PTPRG: variants seen among roughly 807,000 people sequenced by gnomAD.
PTPRG encodes receptor-type tyrosine-protein phosphatase gamma.
Under a neutral mutation model 165.3 loss-of-function variants are expected in PTPRG, and 102 were observed. The observed-to-expected ratio is 0.62, with a 90% CI of 0.53 to 0.73. The LOEUF (loss-of-function observed/expected upper bound fraction) is 0.73, where lower values mean the gene tolerates loss of function less well. PTPRG is among the 30% of genes least tolerant of loss of function. The probability of loss-of-function intolerance (pLI) is 0.00; values close to 1 mark genes in which losing one functional copy is unlikely to be tolerated. For synonymous variants in PTPRG, 675 were observed against 669.5 expected (o/e 1.01, Z -0.13); for missense variants, 1,866 against 1,861.4 (o/e 1.00, Z -0.05).
chr3:61,700,079 T>C (rs936861137), intron 1 of PTPRG, among the ~76,000 whole-genome samples: 3 of 152,096 alleles, frequency 2.0e-5, no homozygotes, highest in African/African-American at 7.2e-5. Context: ...TTGATCCTTA[T>C]ATAGTAAATG....
chr3:61,903,838 T>C (rs74570436), intron 2 of PTPRG, among the ~76,000 whole-genome samples: 3 of 152,346 alleles, frequency 2.0e-5, no homozygotes, highest in East Asian at 3.9e-4. Flanking sequence ...CATATGGTGG[T>C]CTGTACTTAA....
chr3:61,573,468 T>TAC (rs141187781), intron 1 of PTPRG, among the ~76,000 whole-genome samples: 2,003 of 152,374 alleles, frequency 0.013, 45 homozygotes, highest in African/African-American at 0.046. Flanking sequence ...CTGAACTTTG[T>TAC]ACAATAGAGT....
chr3:62,207,924 ACTCAG>A (rs1296340595), intron 12 of PTPRG, among the ~76,000 whole-genome samples: 15 of 152,182 alleles, frequency 9.9e-5, no homozygotes, highest in African/African-American at 3.4e-4. Context: ...GGGCCATCTC[ACTCAG>A]CTCCAACAGA....
chr3:61,795,812 C>G (rs562445328), intron 2 of PTPRG, among the ~76,000 whole-genome samples: 1 of 152,132 alleles, frequency 6.6e-6, no homozygotes, highest in South Asian at 2.1e-4. Flanking sequence ...TTTGTATATA[C>G]TGTGTCTCCC....
chr3:62,272,321 A>C (rs1702093433), intron 21 of PTPRG, among the ~76,000 whole-genome samples: 1 of 152,222 alleles, frequency 6.6e-6, no homozygotes, highest in Non-Finnish European at 1.5e-5. Flanking sequence ...TTCCATATAA[A>C]ATACCTTTTC....
chr3:62,068,878 T>C (rs976766277), intron 4 of PTPRG, among the ~76,000 whole-genome samples: 1 of 152,172 alleles, frequency 6.6e-6, no homozygotes, highest in African/African-American at 2.4e-5. Context: ...CAGGAAATAA[T>C]TAAGGATTAG....
intron 13 of PTPRG, among the ~76,000 whole-genome samples, chr3:62,227,097 G>A (rs1700780362): frequency 6.6e-6 from 1 of 152,120 alleles, no homozygotes; most frequent in Non-Finnish European, 1.5e-5. Context: ...TGCGAGAGTC[G>A]AGAGTGGCAT....
intron 1 of PTPRG, among the ~76,000 whole-genome samples, chr3:61,663,758 T>C (rs1702731905): frequency 6.6e-6 from 1 of 152,138 alleles, no homozygotes; most frequent in Admixed American, 6.5e-5. Context: ...TCATCAGGCA[T>C]TAGAGCCTCA....
chr3:61,682,036 C>G (rs1188432672), intron 1 of PTPRG, among the ~76,000 whole-genome samples: 1 of 151,434 alleles, frequency 6.6e-6, no homozygotes, highest in Non-Finnish European at 1.5e-5. Context: ...GTAATCCCAA[C>G]TATATGGGAG....
intron 1 of PTPRG, among the ~76,000 whole-genome samples, chr3:61,637,894 C>G (rs1455335932): frequency 1.3e-5 from 2 of 150,892 alleles, no homozygotes; most frequent in African/African-American, 4.9e-5. Flanking sequence ...AGCCATCTTA[C>G]CATTCATGTC....
At chr3:62,102,492 C>T (rs964153893) in intron 5 of PTPRG, among the ~76,000 whole-genome samples, 6 of 152,108 alleles carry the variant, frequency 3.9e-5, no homozygotes, top group African/African-American at 1.2e-4. Flanking sequence ...AGGCTGGTCC[C>T]GAACTCCTGA....
At chr3:61,736,373 T>C (rs1350785897) in intron 1 of PTPRG, among the ~76,000 whole-genome samples, 1 of 152,058 alleles carries the variant, frequency 6.6e-6, no homozygotes, top group African/African-American at 2.4e-5. Flanking sequence ...AGGGAAAATT[T>C]AGTAATAATG....
chr3:61,796,601 G>T (rs1373096498), intron 2 of PTPRG, among the ~76,000 whole-genome samples: 1 of 152,190 alleles, frequency 6.6e-6, no homozygotes, highest in East Asian at 1.9e-4. Context: ...TGGGGAGGGG[G>T]TTGCCCCTTT....
At chr3:61,604,364 T>A (rs1203506440) in intron 1 of PTPRG, among the ~76,000 whole-genome samples, 2 of 152,172 alleles carry the variant, frequency 1.3e-5, no homozygotes, top group African/African-American at 4.8e-5. Flanking sequence ...CATATCTTGT[T>A]CTTTGATGGT....
intron 1 of PTPRG, among the ~76,000 whole-genome samples, chr3:61,575,520 T>C (rs577581186): frequency 6.6e-6 from 1 of 152,254 alleles, no homozygotes; most frequent in African/African-American, 2.4e-5. Flanking sequence ...ATAATGAGAA[T>C]TTCAACCTTC....
chr3:61,565,303 G>C (rs1699883370), intron 1 of PTPRG, among the ~76,000 whole-genome samples: 1 of 152,180 alleles, frequency 6.6e-6, no homozygotes, highest in African/African-American at 2.4e-5. Context: ...AAAGCTAAGA[G>C]TGTTACCAAA....
chr3:62,203,487 C>T lies in PTPRG; in HGVS notation c.1692C>T (p.Pro564=), dbSNP rs766693477. The stretch of plus-strand genomic sequence containing the variant: ...CAGAGGCCTTGGCTTCTCCAGGGCC[C>T]GATGGTGATTCGTCACCAACCAAGG... ...ATTEALASPG[P]DGDSSPTKDG... Residue 564 remains proline, a synonymous_variant, in exon 12 of 30, where the codon CCC becomes CCT. Transcript: ENST00000474889. The surrounding 1 kb of genome is among the most constrained non-coding windows in gnomAD (Gnocchi z 6.4). The T allele has an allele frequency of 2.2e-5, 35 of 1,570,098 alleles. No individual in the cohort carries two copies. Among genetic ancestry groups the T allele is most frequent in the African/African-American group, 2.2e-4 (16 of 73,648 alleles).
At chr3:61,562,506 T>A in intron 1 of PTPRG, 134 bp downstream of exon 1, 2 of 757,460 alleles carry the variant, frequency 2.6e-6, no homozygotes, top group Non-Finnish European at 4.4e-6. Context: ...GGCGCCCGGA[T>A]AGGAGAAAAG....
At chr3:62,167,336 TGATCACTAGTA>T (rs1284851525) in intron 7 of PTPRG, among the ~76,000 whole-genome samples, 3 of 152,178 alleles carry the variant, frequency 2.0e-5, no homozygotes, top group African/African-American at 7.2e-5. Flanking sequence ...TTGCCAAACT[TGATCACTAGTA>T]TGTCGGAAGA....
Sources: allele counts gnomAD v4.1 joint callset (sites outside exome capture counted in the v4.1 genomes callset), GRCh38; gene constraint gnomAD v4.1.1; non-coding constraint Gnocchi (gnomAD v3.1); transcripts MANE v1.5; gene names NCBI Gene and HGNC (gene_info 2026-07-23, HGNC 2026-07-21).